The following KIAA1217 variants were observed in gnomAD, a reference collection of about 807,000 sequenced individuals.
KIAA1217 encodes sickle tail protein homolog.
In KIAA1217, 88 loss-of-function variants were observed where a neutral mutation model predicts 163.9. The observed-to-expected ratio is 0.54, with a 90% confidence interval of 0.45 to 0.64. The LOEUF is 0.64. KIAA1217 is among the 30% of genes least tolerant of loss of function. The probability of loss-of-function intolerance (pLI) is 0.00; values close to 1 mark genes in which losing one functional copy is unlikely to be tolerated. For missense variants in KIAA1217, 2,372 were observed against 2,475.0 expected, an observed-to-expected ratio of 0.96 and a Z score of 0.88; for synonymous variants, 903 against 923.1, an observed-to-expected ratio of 0.98 and a Z score of 0.39.
intron 2 of KIAA1217, among the ~76,000 whole-genome samples, chr10:24,091,935 G>A (rs561013909): frequency 7.2e-5 from 11 of 151,772 alleles, no homozygotes; most frequent in South Asian, 4.2e-4. Context: ...AAAAGATCAC[G>A]TGAAGGTCAG....
At chr10:24,191,806 T>C (rs1412674385) in intron 2 of KIAA1217, among the ~76,000 whole-genome samples, 1 of 152,116 alleles carries the variant, frequency 6.6e-6, no homozygotes, top group Non-Finnish European at 1.5e-5. Flanking sequence ...CAGGCTGGAG[T>C]GCAATGGCGC....
intron 5 of KIAA1217, among the ~76,000 whole-genome samples, chr10:24,452,430 T>C (rs968586971): frequency 6.6e-6 from 1 of 151,572 alleles, no homozygotes; most frequent in Admixed American, 6.6e-5. Context: ...TTCCAGCACT[T>C]TGGGAGGCCG....
rs1000978862 is a variant in KIAA1217, at chr10:24,389,231, A to G, written c.553+8164A>G. ...TAATACTATGTAGCCATAAAAAAGG[A>G]TGAGTTCATGTCCTTTGTAGGGACA... On this transcript the variant is annotated intron_variant, in intron 3 of 20. Coordinates refer to ENST00000376454, the MANE Select transcript of KIAA1217 (RefSeq NM_019590.5). Among the ~76,000 whole-genome samples the G allele has an allele frequency of 5.3e-5, 8 of 152,320 alleles. No homozygotes were observed. In the South Asian group the frequency reaches 1.2e-3, roughly 24 times the overall value.
chr10:24,147,570 C>T (rs531147601), intron 2 of KIAA1217, among the ~76,000 whole-genome samples: 3 of 152,076 alleles, frequency 2.0e-5, no homozygotes, highest in Non-Finnish European at 4.4e-5. Context: ...TGGCCAGGCA[C>T]GGTGGCTCAT....
chr10:24,392,607 G>A (rs2055132139), intron 3 of KIAA1217, among the ~76,000 whole-genome samples: 1 of 152,118 alleles, frequency 6.6e-6, no homozygotes, highest in Admixed American at 6.5e-5. Context: ...TTGAAGACTT[G>A]AATGGCAAAA....
chr10:24,081,397 G>A (rs142998735), intron 2 of KIAA1217, among the ~76,000 whole-genome samples: 13 of 152,240 alleles, frequency 8.5e-5, no homozygotes, highest in South Asian at 4.1e-4. Context: ...TGGGGGATAC[G>A]GATGAATGCT....
chr10:24,427,287 CTT>C (rs892661328), intron 3 of KIAA1217, among the ~76,000 whole-genome samples: 2 of 147,412 alleles, frequency 1.4e-5, no homozygotes, highest in East Asian at 4.4e-4. Context: ...AGACGGGAAT[CTT>C]TTTTCTGAGC....
At chr10:24,384,674 C>CT (rs59645378) in intron 3 of KIAA1217, among the ~76,000 whole-genome samples, 78,061 of 151,590 alleles carry the variant, frequency 0.51, 22,626 homozygotes, top group African/African-American at 0.8. Flanking sequence ...GTAGCTGGGA[C>CT]GCAGGTGCCT....
chr10:23,767,026 T>C (rs1254397233), intron 1 of KIAA1217, among the ~76,000 whole-genome samples: 4 of 152,142 alleles, frequency 2.6e-5, no homozygotes, highest in Admixed American at 2.0e-4. Context: ...CCTTTTGGAT[T>C]AGCTGGGTTA....
At chr10:23,711,450 A>G (rs36067526) in intron 1 of KIAA1217, among the ~76,000 whole-genome samples, 3,025 of 152,314 alleles carry the variant, frequency 0.02, 51 homozygotes, top group Non-Finnish European at 0.031. Flanking sequence ...AGCAGCCTCC[A>G]GGAGACAGAA....
At chr10:24,079,548 A>T (rs1049153489) in intron 2 of KIAA1217, among the ~76,000 whole-genome samples, 1 of 152,228 alleles carries the variant, frequency 6.6e-6, no homozygotes, top group Non-Finnish European at 1.5e-5. Flanking sequence ...CAATTTAAAT[A>T]CAAGTAAGGT....
intron 1 of KIAA1217, among the ~76,000 whole-genome samples, chr10:23,891,156 A>C (rs1589023299): frequency 6.6e-6 from 1 of 152,038 alleles, no homozygotes; most frequent in Admixed American, 6.6e-5. Flanking sequence ...TATACAGTAC[A>C]TTACATAACT....
chr10:23,937,844 A>C (rs1843597669), intron 1 of KIAA1217, among the ~76,000 whole-genome samples: 1 of 152,174 alleles, frequency 6.6e-6, no homozygotes, highest in African/African-American at 2.4e-5. Flanking sequence ...TGCCTGAGAG[A>C]GGGGAAACAA....
intron 1 of KIAA1217, among the ~76,000 whole-genome samples, chr10:23,811,040 A>AATATATAAT (rs1837018538): frequency 7.8e-6 from 1 of 127,958 alleles, no homozygotes; most frequent in South Asian, 2.3e-4. Context: ...ATATGTATAC[A>AATATATAAT]ATATATAATA....
intron 3 of KIAA1217, among the ~76,000 whole-genome samples, chr10:24,383,172 C>T (rs1319537235): frequency 6.6e-6 from 1 of 152,140 alleles, no homozygotes; most frequent in Non-Finnish European, 1.5e-5. Context: ...CTTAACTCCA[C>T]TCACACTTAG....
Position 24,304,798 on chromosome 10 carries a change from A to T in KIAA1217, c.355-76071A>T, listed in dbSNP as rs184371637. On this transcript the variant is annotated intron_variant, in intron 2 of 20. Coordinates refer to ENST00000376454, the MANE Select transcript of KIAA1217 (RefSeq NM_019590.5). ...AGGAAAAGGAAGTGCAAAGCTATGT[A>T]GCCTCTACAAGAGCACATGTGTAGT... Among the ~76,000 whole-genome samples the T allele has an allele frequency of 5.3e-5, 8 of 152,318 alleles. No homozygotes were observed. The East Asian group carries it at 1.5e-3, about 29-fold the overall frequency.
chr10:24,193,964 A>G (rs2066856693), intron 2 of KIAA1217, among the ~76,000 whole-genome samples: 1 of 152,058 alleles, frequency 6.6e-6, no homozygotes. Flanking sequence ...AGGTGGATGG[A>G]TCACCTGTGG....
chr10:23,707,149 C>T (rs552829636), intron 1 of KIAA1217, among the ~76,000 whole-genome samples: 1 of 152,072 alleles, frequency 6.6e-6, no homozygotes, highest in Admixed American at 6.5e-5. Context: ...AGAATAATTA[C>T]AAACTAAATG....
chr10:24,452,092 T>G (rs2061414788), intron 5 of KIAA1217, among the ~76,000 whole-genome samples: 1 of 152,182 alleles, frequency 6.6e-6, no homozygotes, highest in Admixed American at 6.5e-5. Flanking sequence ...GAGAACACGT[T>G]AATCTTTTAA....
Sources: allele counts gnomAD v4.1 joint callset (sites outside exome capture counted in the v4.1 genomes callset), GRCh38; gene constraint gnomAD v4.1.1; transcripts MANE v1.5; gene names NCBI Gene and HGNC (gene_info 2026-07-23, HGNC 2026-07-21).